The following ABCC11 variants were observed in gnomAD, a reference collection of about 807,000 sequenced individuals.
The protein encoded by ABCC11 is ATP binding cassette subfamily C member 11.
Under a neutral mutation model 149.3 loss-of-function variants are expected in ABCC11, and 135 were observed. The ratio of observed to expected loss-of-function variants is 0.90; its 90% CI spans 0.79 to 1.04. The LOEUF is 1.04. Ranked by LOEUF, ABCC11 falls within the 50% of genes least tolerant of loss-of-function variation. The pLI, the probability that ABCC11 is intolerant of heterozygous loss-of-function variation, is 0.00. For synonymous variants in ABCC11, 665 were observed against 671.4 expected (o/e 0.99, Z 0.15); for missense variants, 1,680 against 1,722.1 (o/e 0.98, Z 0.43).
chr16:48,204,909 A>G (rs1448870814), intron 13 of ABCC11, among the ~76,000 whole-genome samples: 1 of 152,198 alleles, frequency 6.6e-6, no homozygotes, highest in Non-Finnish European at 1.5e-5. Flanking sequence ...GGATATGGAC[A>G]AGACTTGGGA....
rs1386765227 is a variant in ABCC11 at position 48,166,330 on chromosome 16, A to G, written c.*944T>C. ...GGGGTGCAGAGTGTGTAGGACGTGA[A>G]CCTGGAGCTGCAGGCAACCATATTG... On this transcript the variant is annotated 3_prime_UTR_variant, in exon 30 of 30. Coordinates refer to ENST00000356608, the MANE Select transcript of ABCC11 (RefSeq NM_001370497.1). Among the ~76,000 whole-genome samples the G allele has an allele frequency of 1.3e-5, 2 of 152,196 alleles. No homozygotes were observed. Among genetic ancestry groups the G allele is most frequent in the Non-Finnish European group, 1.5e-5 (1 of 68,030 alleles).
At chr16:48,183,188 C>T (rs1198666796) in intron 23 of ABCC11, among the ~76,000 whole-genome samples, 1 of 152,202 alleles carries the variant, frequency 6.6e-6, no homozygotes, top group Non-Finnish European at 1.5e-5. Flanking sequence ...GAGAGAAAGC[C>T]ACATAACCAC....
chr16:48,176,863 G>T, intron 25 of ABCC11, 61 bp downstream of exon 25: 2 of 1,548,572 alleles, frequency 1.3e-6, no homozygotes, highest in South Asian at 2.4e-5. Context: ...CCCCTAAATA[G>T]GTCTAGTGCC....
chr16:48,227,660 C>T (rs1476387754), intron 4 of ABCC11, 146 bp downstream of exon 4: 1 of 983,328 alleles, frequency 1.0e-6, no homozygotes, highest in Non-Finnish European at 1.5e-6. Context: ...CGTTAAAAAC[C>T]CTCACCTAGT....
chr16:48,201,674 G>A lies in ABCC11; in HGVS notation c.1879-1195C>T, dbSNP rs866182548. 1.0e-3 allele frequency among the ~76,000 whole-genome samples: 157 copies of A among 151,996 alleles called. 2 individuals carry two copies. Among genetic ancestry groups the A allele is most frequent in the African/African-American group, 3.4e-3 (139 of 41,378 alleles). On this transcript the variant is annotated intron_variant, in intron 14 of 29. Coordinates refer to ENST00000356608, the MANE Select transcript of ABCC11 (RefSeq NM_001370497.1). ...ACCATTGGCCTGGGTTACAGGTGTC[G>A]TCAAAGACTATTTGCACTGTGTGCA...
intron 10 of ABCC11, among the ~76,000 whole-genome samples, chr16:48,211,478 C>T (rs907332421): frequency 6.6e-6 from 1 of 152,158 alleles, no homozygotes; most frequent in Non-Finnish European, 1.5e-5. Context: ...TGACTAAGGC[C>T]TAACCTACAT....
intron 20 of ABCC11, among the ~76,000 whole-genome samples, chr16:48,188,064 T>C (rs750496419): frequency 4.6e-5 from 7 of 152,212 alleles, no homozygotes; most frequent in Admixed American, 6.5e-5. Flanking sequence ...ACCCTTTTCC[T>C]AGAAACTTCT....
chr16:48,224,623 C>T (rs956233988), intron 4 of ABCC11, among the ~76,000 whole-genome samples, 194 bp from the exon 5 acceptor site: 2 of 152,166 alleles, frequency 1.3e-5, no homozygotes, highest in African/African-American at 4.8e-5. Context: ...TGTCTCTTCC[C>T]TTTGACTTTT....
chr16:48,203,782 C>T (rs1285101910), intron 13 of ABCC11, among the ~76,000 whole-genome samples: 1 of 152,162 alleles, frequency 6.6e-6, no homozygotes, highest in African/African-American at 2.4e-5. Flanking sequence ...GCAGGAGAAT[C>T]ACTTGAACCA....
intron 4 of ABCC11, among the ~76,000 whole-genome samples, chr16:48,225,284 T>C (rs1036287051): frequency 1.5e-4 from 23 of 152,198 alleles, no homozygotes; most frequent in African/African-American, 5.3e-4. Context: ...CCAGTCTGTA[T>C]TGAAATTTCT....
intron 6 of ABCC11, among the ~76,000 whole-genome samples, chr16:48,221,437 G>A (rs938176308): frequency 4.0e-5 from 6 of 151,128 alleles, no homozygotes; most frequent in African/African-American, 1.5e-4. Context: ...GGTTGTTTGT[G>A]TTATGCTGTA....
rs1967034400 is a variant in ABCC11, at chr16:48,192,699, T to C, written c.2527A>G (p.Ser843Gly). Reference protein sequence around the residue: ...QGSGTNSSRESNGTMADLGNI... With the variant: ...QGSGTNSSREGNGTMADLGNI... ...CCCAGGTCTGCCATGGTTCCATTGC[T>C]CTCTCGGCTGCTATTGGTCTTCAAG... is the stretch of plus-strand genomic sequence containing the variant. The change falls in exon 20 of 30, where the codon AGC becomes GGC. Residue 843 changes from serine (S) to glycine (G), a missense_variant. Physicochemically the swap from Ser to Gly is moderately conservative, Grantham distance 56. Coordinates refer to ENST00000356608, the MANE Select transcript of ABCC11 (RefSeq NM_001370497.1). The C allele has an allele frequency of 1.4e-5, 23 of 1,614,168 alleles. No individual in the cohort carries two copies. The highest frequency in any genetic ancestry group is 1.9e-5 in the Non-Finnish European group (22 of 1,180,016).
chr16:48,233,660 T>C (rs1567292476), intron 1 of ABCC11, among the ~76,000 whole-genome samples: 1 of 152,218 alleles, frequency 6.6e-6, no homozygotes, highest in South Asian at 2.1e-4. Flanking sequence ...GTATGATTTA[T>C]TCACACACAA....
At chr16:48,217,060 T>A (rs766338968) in intron 6 of ABCC11, among the ~76,000 whole-genome samples, 4 of 152,146 alleles carry the variant, frequency 2.6e-5, no homozygotes, top group Non-Finnish European at 5.9e-5. Context: ...TGTCTCCTTG[T>A]GAGCCAATTT....
chr16:48,167,601 C>T lies in ABCC11; in HGVS notation c.3951G>A (p.Gln1317=). 1.2e-6 allele frequency: 2 copies of T among 1,612,414 alleles called. No individual in the cohort carries two copies. The highest frequency in any genetic ancestry group is 1.1e-5 in the South Asian group (1 of 91,058). Residue 1317 remains glutamine (Q), a synonymous_variant, in exon 29 of 30, where the codon CAG becomes CAA. Coordinates refer to ENST00000356608, the MANE Select transcript of ABCC11 (RefSeq NM_001370497.1). ...CCTGGAAGGCTTCACGGATTGTGCGCTGGATCAGGGTGTCTGTCTCCATGT... is the reference window on the plus strand; with the variant it reads ...CCTGGAAGGCTTCACGGATTGTGCGTTGGATCAGGGTGTCTGTCTCCATGT... ...SIDMETDTLI[Q]RTIREAFQGC...
chr16:48,227,256 C>T (rs1055549137), intron 4 of ABCC11, among the ~76,000 whole-genome samples: 1 of 152,010 alleles, frequency 6.6e-6, no homozygotes, highest in African/African-American at 2.4e-5. Flanking sequence ...GGTGGATCAC[C>T]TGAGGTCAGG....
intron 23 of ABCC11, among the ~76,000 whole-genome samples, chr16:48,182,014 A>C (rs1873312913): frequency 6.6e-6 from 1 of 152,132 alleles, no homozygotes; most frequent in African/African-American, 2.4e-5. Flanking sequence ...GCACCAGCTC[A>C]GTGGAAGCTC....
chr16:48,192,421 G>A, intron 20 of ABCC11, 99 bp downstream of exon 20: 1 of 1,325,670 alleles, frequency 7.5e-7, no homozygotes, highest in Non-Finnish European at 1.0e-6. Flanking sequence ...TCCAGCCTGG[G>A]CTACAGAGCT....
chr16:48,193,974 C>T lies in ABCC11; in HGVS notation c.2413G>A (p.Val805Ile), dbSNP rs1424931821. The change falls in exon 19 of 30, where the codon GTC (valine) becomes ATC (isoleucine). Residue 805 changes from valine to isoleucine, a missense_variant. Coordinates refer to ENST00000356608, the MANE Select transcript of ABCC11 (RefSeq NM_001370497.1). ...ACGAAGAAGAAAATTATGCAAGAGA[C>T]CATGTAACCTGGGAGGGAGACAGTG... is the stretch of plus-strand genomic sequence containing the variant. ...HYIQAAGGYM[V>I]SCIIFFFVVL... 6.8e-6 allele frequency: 11 copies of T among 1,611,590 alleles called. No individual in the cohort carries two copies. The highest frequency in any genetic ancestry group is 1.3e-5 in the African/African-American group (1 of 74,958).
Sources: gnomAD v4.1 joint callset for allele counts (sites outside exome capture counted in the v4.1 genomes callset) on GRCh38, gnomAD v4.1.1 for gene constraint, MANE v1.5 for transcripts, NCBI Gene and HGNC (gene_info 2026-07-23, HGNC 2026-07-21) for gene names.